The following CACNA1E variants were observed in gnomAD, a reference collection of about 807,000 sequenced individuals.
The protein encoded by CACNA1E is calcium voltage-gated channel subunit alpha1 E, also known as voltage-dependent R-type calcium channel subunit alpha-1E.
Under a neutral mutation model 259.2 loss-of-function variants are expected in CACNA1E, and 40 were observed. That is an observed-to-expected ratio of 0.15 (90% CI 0.12 to 0.20). The LOEUF (loss-of-function observed/expected upper bound fraction) is 0.20. Among genes scored for constraint, CACNA1E ranks in the 10% least tolerant of loss-of-function variants. CACNA1E has a pLI of 1.00. For synonymous variants in CACNA1E, 1,104 were observed against 1,138.5 expected, an observed-to-expected ratio of 0.97 and a Z score of 0.61; for missense variants, 1,874 against 3,040.1, an observed-to-expected ratio of 0.62 and a Z score of 9.02.
In CACNA1E at chr1:181,404,934, T is replaced by A. The variant is rs530802856; in HGVS notation, c.-14-8199T>A. On this transcript the variant is annotated intron_variant, in intron 1 of 11. Transcript: ENST00000524607. ...TGAAGACCACATTGTAGGCCCCATA[T>A]GTCCAGCTTTGGGCTTTGTTCTTGT... Among the ~76,000 whole-genome samples, 18 of 152,344 alleles carry A rather than the reference T, an allele frequency of 1.2e-4. 1 individual carries two copies. Among genetic ancestry groups the A allele is most frequent in the African/African-American group, 4.3e-4 (18 of 41,578 alleles).
At chr1:181,341,949 G>C (rs1342731211) in intron 1 of CACNA1E, among the ~76,000 whole-genome samples, 2 of 152,322 alleles carry the variant, frequency 1.3e-5, no homozygotes, top group Non-Finnish European at 2.9e-5. Context: ...CAAGTAACTA[G>C]ACAAGTAAAT....
chr1:181,624,683 T>A (rs1246884343), intron 6 of CACNA1E, among the ~76,000 whole-genome samples: 2 of 152,238 alleles, frequency 1.3e-5, no homozygotes, highest in Non-Finnish European at 2.9e-5. Flanking sequence ...CACTGAAGTC[T>A]TGAACCCCCT....
chr1:181,568,367 C>G (rs543233737), intron 3 of CACNA1E, among the ~76,000 whole-genome samples: 1 of 152,238 alleles, frequency 6.6e-6, no homozygotes, highest in African/African-American at 2.4e-5. Context: ...GGTAAACACC[C>G]AGTTATGGCA....
chr1:181,732,566 A>T lies in CACNA1E; in HGVS notation c.2480A>T (p.Tyr827Phe), dbSNP rs778587785. ...CCGCTCAATGCCCACCCCAGCCTTT[A>T]TCGGCGACCCAGGGCCATTGAGGGC... Reference protein sequence around the residue: ...LNPLNAHPSLYRRPRAIEGLA... With the variant: ...LNPLNAHPSLFRRPRAIEGLA... Residue 827 changes from tyrosine (Y) to phenylalanine (F), a missense_variant, in exon 20 of 48, where the codon TAT becomes TTT. Transcript: ENST00000367573. This position sits in a 1 kb window ranked among gnomAD's most constrained non-coding sequence, Gnocchi z 5.5. 2 of 1,539,414 alleles carry T rather than the reference A, an allele frequency of 1.3e-6. No individual in the cohort carries two copies. Among genetic ancestry groups the T allele is most frequent in the Admixed American group, 4.1e-5 (2 of 48,894 alleles).
At chr1:181,548,089 AG>A (rs1482674327) in intron 3 of CACNA1E, among the ~76,000 whole-genome samples, 3 of 150,332 alleles carry the variant, frequency 2.0e-5, no homozygotes, top group African/African-American at 7.3e-5. Context: ...GGTTAGAGGT[AG>A]GTATACTTTC....
intron 2 of CACNA1E, among the ~76,000 whole-genome samples, chr1:181,434,761 C>A (rs143453113): frequency 1.3e-5 from 2 of 152,284 alleles, no homozygotes; most frequent in Non-Finnish European, 2.9e-5. Flanking sequence ...GCAGGAGCCA[C>A]CTGGTCAGGG....
Position 181,485,693 on chromosome 1 carries a change from G to C in CACNA1E, c.266+1683G>C, listed in dbSNP as rs1422539204. Among the ~76,000 whole-genome samples the C allele has an allele frequency of 6.6e-6, 1 of 152,218 alleles. No individual in the cohort carries two copies. Among genetic ancestry groups the C allele is most frequent in the Admixed American group, 6.5e-5 (1 of 15,280 alleles). On this transcript the variant is annotated intron_variant, in intron 1 of 47. Transcript: ENST00000367573. The surrounding 1 kb of genome is among the most constrained non-coding windows in gnomAD (Gnocchi z 4.2). ...CAGATCTCATTGTGTTGTGTGCTGC[G>C]GCTGCAAATATTCCTCTAGGCAGTC...
intron 6 of CACNA1E, among the ~76,000 whole-genome samples, chr1:181,632,431 T>C (rs1656836649): frequency 6.6e-6 from 1 of 152,210 alleles, no homozygotes; most frequent in South Asian, 2.1e-4. Context: ...GAAAGGAGCC[T>C]GCTGCTGGGG....
intron 3 of CACNA1E, among the ~76,000 whole-genome samples, chr1:181,576,386 G>A (rs1410140303): frequency 1.3e-5 from 2 of 152,228 alleles, no homozygotes; most frequent in Non-Finnish European, 2.9e-5. Context: ...GCTGTTGGCA[G>A]CACTAATTGT....
At chr1:181,496,263 A>G (rs1424622878) in intron 1 of CACNA1E, among the ~76,000 whole-genome samples, 5 of 152,268 alleles carry the variant, frequency 3.3e-5, no homozygotes, top group Non-Finnish European at 4.4e-5. Context: ...AGCAATAATG[A>G]TGCAGAATTT....
intron 2 of CACNA1E, among the ~76,000 whole-genome samples, chr1:181,419,237 A>G (rs1028356759): frequency 5.9e-5 from 9 of 152,150 alleles, no homozygotes; most frequent in African/African-American, 2.2e-4. Context: ...CCAGCCTCCT[A>G]AAGATGCATG....
intron 2 of CACNA1E, among the ~76,000 whole-genome samples, chr1:181,457,208 G>T (rs547028515): frequency 6.6e-6 from 1 of 152,238 alleles, no homozygotes; most frequent in South Asian, 2.1e-4. Flanking sequence ...GGTGTAAGGG[G>T]CAAAGGATCT....
intron 35 of CACNA1E, among the ~76,000 whole-genome samples, chr1:181,768,766 CCT>C (rs1659237845): frequency 6.6e-6 from 1 of 152,170 alleles, no homozygotes; most frequent in African/African-American, 2.4e-5. Context: ...CCATCCCCAT[CCT>C]GGTCTATGAC....
intron 25 of CACNA1E, chr1:181,745,438 A>C: frequency 2.3e-6 from 1 of 436,696 alleles, no homozygotes; most frequent in Admixed American, 2.8e-5. Flanking sequence ...CCAATCAGGG[A>C]ACACTGCCCC....
rs552089340 is a variant in CACNA1E at position 181,732,867 on chromosome 1, G to T, written c.2781G>T (p.Arg927Ser). Residue 927 changes from arginine to serine, a missense_variant, in exon 20 of 48, where the codon AGG becomes AGT. Around this residue, in one of 14 missense-constraint regions of CACNA1E, gnomAD observed 476 missense variants for 514.0 expected, o/e 0.93. Coordinates refer to ENST00000367573, the MANE Select transcript of CACNA1E (RefSeq NM_001205293.3). This position sits in a 1 kb window ranked among gnomAD's most constrained non-coding sequence, Gnocchi z 5.5. ...SQRRSRHRRV[R>S]TEGKESSSAS... ...GGCGCAGCCGGCATCGCCGCGTCAG[G>T]ACAGAAGGCAAGGAGTCCTCTTCAG... is the stretch of plus-strand genomic sequence containing the variant. 1.2e-6 allele frequency: 2 copies of T among 1,614,032 alleles called. No individual in the cohort carries two copies. The highest frequency in any genetic ancestry group is 1.7e-6 in the Non-Finnish European group (2 of 1,179,886).
At chr1:181,636,241 AG>A (rs201702825) in intron 6 of CACNA1E, among the ~76,000 whole-genome samples, 1,977 of 152,312 alleles carry the variant, frequency 0.013, 27 homozygotes, top group Admixed American at 0.028. Context: ...TCAGACTGCT[AG>A]GGATATAGTC....
chr1:181,401,017 C>T (rs1393678826), intron 1 of CACNA1E, among the ~76,000 whole-genome samples: 1 of 152,162 alleles, frequency 6.6e-6, no homozygotes, highest in Admixed American at 6.5e-5. Context: ...TGTGATCTGC[C>T]CCCCAACATT....
At chr1:181,669,278 G>C (rs550654477) in intron 7 of CACNA1E, among the ~76,000 whole-genome samples, 1 of 152,154 alleles carries the variant, frequency 6.6e-6, no homozygotes, top group Non-Finnish European at 1.5e-5. Context: ...AATGTTCTTT[G>C]TTTTGCAAGA....
At chr1:181,612,939 G>A (rs1558184878) in intron 6 of CACNA1E, among the ~76,000 whole-genome samples, 1 of 152,098 alleles carries the variant, frequency 6.6e-6, no homozygotes, top group Non-Finnish European at 1.5e-5. Flanking sequence ...TTGTGAGCAG[G>A]AGTTAAGATT....
Sources: gnomAD v4.1 joint callset for allele counts (sites outside exome capture counted in the v4.1 genomes callset) on GRCh38, gnomAD v4.1.1 for gene constraint, gnomAD v4.1.1 regional missense constraint, Gnocchi (gnomAD v3.1) non-coding constraint, MANE v1.5 for transcripts, NCBI Gene and HGNC (gene_info 2026-07-23, HGNC 2026-07-21) for gene names.